The following TAOK3 variants were observed in gnomAD, a reference collection of about 807,000 sequenced individuals.
The protein encoded by TAOK3 is serine/threonine-protein kinase TAO3.
In TAOK3, 40 loss-of-function variants were observed where a neutral mutation model predicts 120.4. That is an observed-to-expected ratio of 0.33 (90% CI 0.26 to 0.43). The LOEUF (loss-of-function observed/expected upper bound fraction) is 0.43. Among genes scored for constraint, TAOK3 ranks in the 20% least tolerant of loss-of-function variants. TAOK3 has a pLI of 1.00. For synonymous variants in TAOK3, 355 were observed against 387.5 expected (o/e 0.92, Z 0.99); for missense variants, 821 against 1,112.1 (o/e 0.74, Z 3.72).
intron 1 of TAOK3, among the ~76,000 whole-genome samples, chr12:118,365,692 T>C (rs2045723923): frequency 1.3e-5 from 2 of 152,254 alleles, no homozygotes; most frequent in African/African-American, 4.8e-5. Context: ...TCATACTCTG[T>C]GCTTCGTACT....
intron 11 of TAOK3, among the ~76,000 whole-genome samples, chr12:118,210,897 C>T (rs903528107): frequency 6.6e-6 from 1 of 152,038 alleles, no homozygotes; most frequent in African/African-American, 2.4e-5. Flanking sequence ...TGCCACCATG[C>T]CCAGCTAATT....
chr12:118,266,249 A>G (rs1444420971), intron 2 of TAOK3, among the ~76,000 whole-genome samples: 1 of 152,184 alleles, frequency 6.6e-6, no homozygotes, highest in Non-Finnish European at 1.5e-5. Flanking sequence ...GCTGGAGTGC[A>G]ATGCACGATC....
In TAOK3 at chr12:118,189,787, G is replaced by T; in HGVS notation, c.1329+20C>A. On this transcript the variant is annotated intron_variant, in intron 14 of 20. Coordinates refer to ENST00000392533, the MANE Select transcript of TAOK3 (RefSeq NM_016281.4). Reference sequence around the variant, plus strand: ...GAGGAGGGGAAGGAAGGGAAGGTGGGTAGAGGGGTGTTTGCTTACCAAAGA... The same window carrying T: ...GAGGAGGGGAAGGAAGGGAAGGTGGTTAGAGGGGTGTTTGCTTACCAAAGA... 1 of 1,614,018 alleles carries T rather than the reference G, an allele frequency of 6.2e-7. No individual in the cohort carries two copies. Among genetic ancestry groups the T allele is most frequent in the Middle Eastern group, 1.7e-4 (1 of 6,058 alleles).
At chr12:118,169,545 A>G (rs1760961484) in intron 17 of TAOK3, among the ~76,000 whole-genome samples, 1 of 151,594 alleles carries the variant, frequency 6.6e-6, no homozygotes, top group Non-Finnish European at 1.5e-5. Flanking sequence ...TCCTGACCTC[A>G]AGTGATCCGC....
At position 118,255,626 on chromosome 12, in the gene TAOK3, A is replaced by G; in HGVS notation, c.-59T>C. On this transcript the variant is annotated 5_prime_UTR_variant, in exon 3 of 21. Transcript: ENST00000392533. ...TCAGTTAGCTTTATTTCTCATTGACAATTTTTTTTGGGGGGTAAATCTTCA... is the reference window on the plus strand; with the variant it reads ...TCAGTTAGCTTTATTTCTCATTGACGATTTTTTTTGGGGGGTAAATCTTCA... 1.3e-6 allele frequency: 2 copies of G among 1,528,188 alleles called. No individual in the cohort carries two copies. The highest frequency in any genetic ancestry group is 1.8e-6 in the Non-Finnish European group (2 of 1,137,052). The allele number at this position is 1,528,188 out of a possible 1,614,324, so 94.7% of individuals were successfully genotyped here.
intron 19 of TAOK3, among the ~76,000 whole-genome samples, chr12:118,157,031 T>C (rs1223304399): frequency 1.3e-5 from 2 of 152,118 alleles, no homozygotes; most frequent in Non-Finnish European, 2.9e-5. Flanking sequence ...TGAGCCACCA[T>C]GCCTGGCCCA....
intron 1 of TAOK3, among the ~76,000 whole-genome samples, chr12:118,330,267 G>A (rs549896815): frequency 7.4e-4 from 113 of 152,260 alleles, no homozygotes; most frequent in African/African-American, 2.6e-3. Flanking sequence ...TTTCAAAGTT[G>A]TTTGCTTAAG....
intron 19 of TAOK3, among the ~76,000 whole-genome samples, chr12:118,158,588 A>C (rs915168529): frequency 6.6e-6 from 1 of 152,170 alleles, no homozygotes; most frequent in Admixed American, 6.5e-5. Context: ...AATATTTCTT[A>C]AAACCTTCCC....
rs2036056534 is a variant in TAOK3, at chr12:118,172,477, C to A, written c.1879G>T (p.Glu627Ter). ...RKIMIKRHEVEQQNIREELNK... is the reference protein window; with the variant it reads ...RKIMIKRHEV ...AATACCTCCCGAATGTTCTGCTGCTCCACCTCGTGCCGCTTGATCATTATT... is the reference window on the plus strand; with the variant it reads ...AATACCTCCCGAATGTTCTGCTGCTACACCTCGTGCCGCTTGATCATTATT... Residue 627 changes from glutamate to a stop codon, truncating the protein, a stop_gained, in exon 17 of 21, where the codon GAG (glutamate) becomes TAG (stop). Transcript: ENST00000392533. LOFTEE classifies it high-confidence loss of function. 1 of 1,614,052 alleles carries A rather than the reference C, an allele frequency of 6.2e-7. No homozygotes were observed. The highest frequency in any genetic ancestry group is 1.3e-5 in the African/African-American group (1 of 74,906).
intron 1 of TAOK3, among the ~76,000 whole-genome samples, chr12:118,308,010 A>G (rs1249113304): frequency 2.6e-5 from 4 of 151,578 alleles, no homozygotes; most frequent in Non-Finnish European, 5.9e-5. Context: ...TTAAACAGTT[A>G]TATCTGTAAA....
Position 118,270,819 on chromosome 12 carries a change from C to T in TAOK3, c.-193-4060G>A, listed in dbSNP as rs951580483. 1.2e-4 allele frequency among the ~76,000 whole-genome samples: 18 copies of T among 151,948 alleles called. No homozygotes were observed. The South Asian group carries it at 2.7e-3, about 23-fold the overall frequency. Reference sequence around the variant, plus strand: ...CCTCCCCAGTAGCTGGGACTACAGGCGCCCGCCACCACGCCCAGCTAATTT... The same window carrying T: ...CCTCCCCAGTAGCTGGGACTACAGGTGCCCGCCACCACGCCCAGCTAATTT... On this transcript the variant is annotated intron_variant, in intron 1 of 20. Transcript: ENST00000392533.
At chr12:118,314,509 A>G (rs534929453) in intron 1 of TAOK3, among the ~76,000 whole-genome samples, 2 of 152,330 alleles carry the variant, frequency 1.3e-5, no homozygotes, top group Non-Finnish European at 2.9e-5. Flanking sequence ...TTTGGGAACT[A>G]GTGACATTAG....
chr12:118,346,260 C>T (rs76630576), intron 1 of TAOK3, among the ~76,000 whole-genome samples: 4,816 of 152,242 alleles, frequency 0.032, 188 homozygotes, highest in African/African-American at 0.075. Flanking sequence ...GGAGGCTTAG[C>T]TTCCACATCT....
chr12:118,215,938 AC>A (rs375881186), intron 9 of TAOK3, among the ~76,000 whole-genome samples: 16 of 150,680 alleles, frequency 1.1e-4, no homozygotes, highest in Non-Finnish European at 1.6e-4. Context: ...GTTGGCTGAC[AC>A]CTATAATCCC....
chr12:118,171,039 CT>C (rs977849362), intron 17 of TAOK3, among the ~76,000 whole-genome samples: 1 of 152,186 alleles, frequency 6.6e-6, no homozygotes, highest in Non-Finnish European at 1.5e-5. Flanking sequence ...GTTTTCTCTG[CT>C]TACTCCAGGT....
At chr12:118,207,858 T>TCACACACACACA (rs55978716) in intron 11 of TAOK3, among the ~76,000 whole-genome samples, 3,612 of 144,350 alleles carry the variant, frequency 0.025, 96 homozygotes, top group Admixed American at 0.071. Flanking sequence ...AGACTCTGTC[T>TCACACACACACA]CACACACACA....
intron 1 of TAOK3, among the ~76,000 whole-genome samples, chr12:118,301,605 G>A (rs1215782641): frequency 6.6e-6 from 1 of 152,052 alleles, no homozygotes; most frequent in Non-Finnish European, 1.5e-5. Flanking sequence ...CAGTCCTTTG[G>A]GAGGCCGAGG....
rs776458931 is a variant in TAOK3 at position 118,181,390 on chromosome 12, A to G, written c.1547T>C (p.Val516Ala). The change falls in exon 15 of 21, where the codon GTG becomes GCG. Residue 516 changes from valine (V) to alanine (A), a missense_variant. By Grantham distance (64) the Val-to-Ala change is moderately conservative. Around this residue, in one of 2 missense-constraint regions of TAOK3, gnomAD observed 354 missense variants for 572.1 expected, o/e 0.62. Coordinates refer to ENST00000392533, the MANE Select transcript of TAOK3 (RefSeq NM_016281.4). ...IELEKLAKKQVAIIEKEAKVA... is the reference protein window; with the variant it reads ...IELEKLAKKQAAIIEKEAKVA... The stretch of plus-strand genomic sequence containing the variant: ...ACTGACCTCCTTTTCTATGATAGCC[A>G]CTTGCTTCTTGGCCAGCTTCTCCAG... The G allele has an allele frequency of 1.9e-6, 3 of 1,613,832 alleles. No homozygotes were observed. The Admixed American group carries it at 5.0e-5, about 27-fold the overall frequency.
chr12:118,182,231 T>C (rs376367665), intron 14 of TAOK3, among the ~76,000 whole-genome samples: 2 of 151,978 alleles, frequency 1.3e-5, no homozygotes, highest in East Asian at 3.9e-4. Context: ...TCAAAATATG[T>C]TTACATATTT....
Sources: gnomAD v4.1 joint callset for allele counts (sites outside exome capture counted in the v4.1 genomes callset) on GRCh38, gnomAD v4.1.1 for gene constraint, gnomAD v4.1.1 regional missense constraint, MANE v1.5 for transcripts, NCBI Gene and HGNC (gene_info 2026-07-23, HGNC 2026-07-21) for gene names.